The following HIBADH variants were observed in gnomAD, a reference collection of about 807,000 sequenced individuals.
HIBADH encodes the protein 3-hydroxyisobutyrate dehydrogenase, also known as 3-hydroxyisobutyrate dehydrogenase, mitochondrial.
Under a neutral mutation model 36.1 loss-of-function variants are expected in HIBADH, and 25 were observed. The ratio of observed to expected loss-of-function variants is 0.69; its 90% CI spans 0.50 to 0.97. The LOEUF (loss-of-function observed/expected upper bound fraction) is 0.97. Ranked by LOEUF, HIBADH falls within the 50% of genes least tolerant of loss-of-function variation. HIBADH has a pLI of 0.00. For missense variants in HIBADH, 421 were observed against 418.0 expected (o/e 1.01, Z -0.06); for synonymous variants, 160 against 149.5 (o/e 1.07, Z -0.51).
At chr7:27,615,892 T>C (rs921444400) in intron 4 of HIBADH, among the ~76,000 whole-genome samples, 5 of 152,214 alleles carry the variant, frequency 3.3e-5, no homozygotes, top group African/African-American at 4.8e-5. Context: ...TGCCTGTTAA[T>C]TGCCCCTGAA....
chr7:27,654,580 A>G (rs1786262267), intron 1 of HIBADH, among the ~76,000 whole-genome samples: 1 of 152,184 alleles, frequency 6.6e-6, no homozygotes, highest in Admixed American at 6.5e-5. Context: ...CCAGAAGGAA[A>G]AAACAACTAT....
chr7:27,597,122 A>C (rs1785045331), intron 4 of HIBADH, among the ~76,000 whole-genome samples: 1 of 152,130 alleles, frequency 6.6e-6, no homozygotes. Context: ...ATAAAAGTAC[A>C]TAGAGAAAGA....
At chr7:27,534,711 A>G (rs1290244478) in intron 6 of HIBADH, among the ~76,000 whole-genome samples, 4 of 152,114 alleles carry the variant, frequency 2.6e-5, no homozygotes, top group Non-Finnish European at 5.9e-5. Flanking sequence ...ATAAACAGAC[A>G]AATAAATATG....
At chr7:27,541,863 T>G (rs1046676658) in intron 5 of HIBADH, 1 of 325,730 alleles carries the variant, frequency 3.1e-6, no homozygotes, top group African/African-American at 2.3e-5. Flanking sequence ...TAGTGTCACA[T>G]GACATTTTAT....
intron 4 of HIBADH, among the ~76,000 whole-genome samples, chr7:27,593,623 T>C (rs1784979376): frequency 6.6e-6 from 1 of 152,210 alleles, no homozygotes; most frequent in Non-Finnish European, 1.5e-5. Context: ...AGGACACTTG[T>C]TATCACTACT....
chr7:27,526,201 C>T lies in HIBADH; in HGVS notation c.*13G>A. On this transcript the variant is annotated 3_prime_UTR_variant, in exon 8 of 8. Coordinates refer to ENST00000265395, the MANE Select transcript of HIBADH (RefSeq NM_152740.4). The stretch of plus-strand genomic sequence containing the variant: ...GTTTGGTTCCCAACAGTGTCCGTGG[C>T]CAAAGGGCACACTCAGAAGGTCTCC... The T allele has an allele frequency of 6.3e-7, 1 of 1,593,450 alleles. No individual in the cohort carries two copies.
intron 4 of HIBADH, among the ~76,000 whole-genome samples, chr7:27,622,555 G>C (rs569894226): frequency 6.6e-6 from 1 of 152,136 alleles, no homozygotes; most frequent in South Asian, 2.1e-4. Context: ...ACCAGGAAAA[G>C]AAGAGAGAAG....
At chr7:27,627,230 A>G (rs1433936515) in intron 4 of HIBADH, among the ~76,000 whole-genome samples, 2 of 152,184 alleles carry the variant, frequency 1.3e-5, no homozygotes, top group Non-Finnish European at 2.9e-5. Flanking sequence ...CAGGTCCTGA[A>G]TTCCAGCAGA....
chr7:27,649,434 T>A (rs199974729), intron 2 of HIBADH, 39 bp downstream of exon 2: 7 of 1,514,214 alleles, frequency 4.6e-6, no homozygotes, highest in Middle Eastern at 1.8e-4. Flanking sequence ...TCATTTTTCA[T>A]TCTCAAAATC....
At chr7:27,612,537 T>G (rs1009259780) in intron 4 of HIBADH, among the ~76,000 whole-genome samples, 1 of 151,948 alleles carries the variant, frequency 6.6e-6, no homozygotes, top group African/African-American at 2.4e-5. Context: ...TTGGCCAGGC[T>G]GGTCTCGGAC....
chr7:27,616,811 T>G (rs534613146), intron 4 of HIBADH, among the ~76,000 whole-genome samples: 1 of 146,310 alleles, frequency 6.8e-6, no homozygotes, highest in Non-Finnish European at 1.5e-5. Flanking sequence ...AAAAAAAAAA[T>G]TTTTAATTAA....
At chr7:27,607,753 AAAAT>A (rs1785254826) in intron 4 of HIBADH, among the ~76,000 whole-genome samples, 1 of 152,192 alleles carries the variant, frequency 6.6e-6, no homozygotes, top group African/African-American at 2.4e-5. Context: ...GCAAAAAAAA[AAAAT>A]GTTATAGCCT....
chr7:27,541,049 A>C (rs1784142359), intron 5 of HIBADH, among the ~76,000 whole-genome samples: 1 of 152,144 alleles, frequency 6.6e-6, no homozygotes. Context: ...CATTTGTACA[A>C]AACAGTAGAG....
chr7:27,634,177 T>C (rs190860371), intron 2 of HIBADH, among the ~76,000 whole-genome samples: 76 of 152,300 alleles, frequency 5.0e-4, no homozygotes, highest in Admixed American at 1.4e-3. Flanking sequence ...GGAAATGATA[T>C]TATAAAATAT....
At chr7:27,618,877 G>A (rs2128292990) in intron 4 of HIBADH, among the ~76,000 whole-genome samples, 1 of 152,210 alleles carries the variant, frequency 6.6e-6, no homozygotes, top group African/African-American at 2.4e-5. Context: ...TTTTAAACAA[G>A]CAGGTCTCCT....
At position 27,526,232 on chromosome 7, in the gene HIBADH, T is replaced by C. The variant is rs938945779; in HGVS notation, c.993A>G (p.Arg331=). The change falls in exon 8 of 8, where the codon CGA becomes CGG. Residue 331 remains arginine (R), a synonymous_variant. Coordinates refer to ENST00000265395, the MANE Select transcript of HIBADH (RefSeq NM_152740.4). ...KDFSSVFQFL[R]EEETF ...GGCACACTCAGAAGGTCTCCTCCTC[T>C]CGTAGGAACTGGAACACGGATGAGA... The C allele has an allele frequency of 6.2e-6, 10 of 1,611,270 alleles. No individual in the cohort carries two copies. The highest frequency in any genetic ancestry group is 1.7e-5 in the Admixed American group (1 of 59,646).
At chr7:27,650,773 A>T (rs1052686510) in intron 1 of HIBADH, among the ~76,000 whole-genome samples, 5 of 151,034 alleles carry the variant, frequency 3.3e-5, no homozygotes, top group African/African-American at 1.2e-4. Flanking sequence ...TTTATTTTTC[A>T]TATAAGACTT....
intron 7 of HIBADH, among the ~76,000 whole-genome samples, chr7:27,527,917 C>CTTTTTTTTTTTTTTTTTTTTTTTTTTTT (rs1562609863): frequency 1.3e-5 from 1 of 77,038 alleles, no homozygotes. Context: ...CCACACCCAG[C>CTTTTTTTTTTTTTTTTTTTTTTTTTTTT]GTTTTTTTTT....
intron 2 of HIBADH, among the ~76,000 whole-genome samples, chr7:27,646,123 A>G (rs528364538): frequency 2.0e-5 from 3 of 152,300 alleles, no homozygotes; most frequent in Non-Finnish European, 2.9e-5. Context: ...TCAACCCACT[A>G]AACAACCCAT....
Sources: gnomAD v4.1 joint callset for allele counts (sites outside exome capture counted in the v4.1 genomes callset) on GRCh38, gnomAD v4.1.1 for gene constraint, MANE v1.5 for transcripts, NCBI Gene and HGNC (gene_info 2026-07-23, HGNC 2026-07-21) for gene names.